Variants in VPS13B observed in about 807,000 individuals in gnomAD.
VPS13B encodes intermembrane lipid transfer protein VPS13B.
In VPS13B, 285 loss-of-function variants were observed where a neutral mutation model predicts 426.4. That is an observed-to-expected ratio of 0.67 (90% CI 0.61 to 0.74). VPS13B has a LOEUF of 0.74. VPS13B is among the 30% of genes least tolerant of loss of function. The pLI is 0.00. For missense variants in VPS13B, 4,537 were observed against 4,782.6 expected, an observed-to-expected ratio of 0.95 and a Z score of 1.51; for synonymous variants, 1,676 against 1,676.4, an observed-to-expected ratio of 1.00 and a Z score of 0.01.
At position 99,776,924 on chromosome 8, in the gene VPS13B, A is replaced by G. The variant is rs1811768091; in HGVS notation, c.7397A>G (p.His2466Arg). 17 of 1,613,926 alleles carry G rather than the reference A, an allele frequency of 1.1e-5. 1 individual carries two copies. In the East Asian group the frequency reaches 3.8e-4, roughly 36 times the overall value. ...VSFQFAHLEF[H>R]LCHHLDQLGT... ...TTCCAGTTTGCTCACCTGGAATTCC[A>G]TCTTTGTCATCACCTTGACCAACTA... The change falls in exon 41 of 62, where the codon CAT becomes CGT. Residue 2466 changes from histidine to arginine, a missense_variant. By Grantham distance (29) the His-to-Arg change is conservative (BLOSUM62 0). This residue lies in a region of VPS13B where 4,311 missense variants were observed against 4,474.3 expected (regional missense o/e 0.96). Transcript: ENST00000357162.
chr8:99,734,109 G>A (rs1833714717), intron 39 of VPS13B, among the ~76,000 whole-genome samples: 1 of 152,080 alleles, frequency 6.6e-6, no homozygotes, highest in Non-Finnish European at 1.5e-5. Flanking sequence ...CACATAAGTG[G>A]AATCATATAA....
At chr8:99,390,054 A>G (rs1216933864) in intron 20 of VPS13B, among the ~76,000 whole-genome samples, 2 of 151,840 alleles carry the variant, frequency 1.3e-5, no homozygotes, top group Admixed American at 6.6e-5. Flanking sequence ...CAGGCACTCT[A>G]TGTTATGATG....
intron 33 of VPS13B, among the ~76,000 whole-genome samples, chr8:99,582,766 C>G (rs1455495522): frequency 3.9e-5 from 6 of 152,176 alleles, no homozygotes; most frequent in African/African-American, 1.2e-4. Context: ...CGCCATTCTC[C>G]TGCCTCAGCC....
chr8:99,795,013 C>G (rs1812736206), intron 43 of VPS13B, among the ~76,000 whole-genome samples: 1 of 152,136 alleles, frequency 6.6e-6, no homozygotes, highest in Non-Finnish European at 1.5e-5. Flanking sequence ...TTGATCTTTG[C>G]TGGGAAGCCA....
At chr8:99,513,400 AGG>A (rs1435796927) in intron 29 of VPS13B, among the ~76,000 whole-genome samples, 1 of 152,066 alleles carries the variant, frequency 6.6e-6, no homozygotes, top group Non-Finnish European at 1.5e-5. Flanking sequence ...TAGAGGTGAG[AGG>A]GTGGGATGAG....
intron 36 of VPS13B, among the ~76,000 whole-genome samples, chr8:99,701,263 T>C (rs1832269642): frequency 6.6e-6 from 1 of 152,194 alleles, no homozygotes; most frequent in African/African-American, 2.4e-5. Context: ...GTATCTGATT[T>C]ATCCACAAAT....
chr8:99,766,314 C>T (rs1015724945), intron 39 of VPS13B, among the ~76,000 whole-genome samples: 1 of 152,046 alleles, frequency 6.6e-6, no homozygotes, highest in African/African-American at 2.4e-5. Context: ...AAACTCCTGA[C>T]CTCAGGTGAT....
intron 39 of VPS13B, among the ~76,000 whole-genome samples, chr8:99,738,686 G>A (rs1277068244): frequency 6.6e-6 from 1 of 152,134 alleles, no homozygotes; most frequent in Non-Finnish European, 1.5e-5. Flanking sequence ...TATATACCGT[G>A]TTGAAAATCT....
chr8:99,609,162 C>G (rs1267530002), intron 33 of VPS13B, among the ~76,000 whole-genome samples: 1 of 152,086 alleles, frequency 6.6e-6, no homozygotes, highest in Non-Finnish European at 1.5e-5. Context: ...ATTGGTTTCT[C>G]TTGACTTAGA....
intron 35 of VPS13B, among the ~76,000 whole-genome samples, chr8:99,685,207 T>C (rs1201308986): frequency 1.3e-5 from 2 of 152,280 alleles, no homozygotes; most frequent in Non-Finnish European, 2.9e-5. Flanking sequence ...TAATTGCTTT[T>C]GAAACTGGAA....
chr8:99,345,831 C>T (rs546759762), intron 19 of VPS13B, among the ~76,000 whole-genome samples: 7 of 152,252 alleles, frequency 4.6e-5, no homozygotes, highest in African/African-American at 1.7e-4. Flanking sequence ...AGGCAAGGGG[C>T]TGAAAATTAA....
intron 61 of VPS13B, among the ~76,000 whole-genome samples, chr8:99,872,211 A>G (rs1452445254): frequency 1.3e-5 from 2 of 152,168 alleles, no homozygotes. Context: ...GAAAGGACCA[A>G]TGCAGAAGCA....
intron 19 of VPS13B, among the ~76,000 whole-genome samples, chr8:99,353,406 T>C (rs762935542): frequency 2.0e-5 from 3 of 152,204 alleles, no homozygotes; most frequent in Admixed American, 6.5e-5. Flanking sequence ...GTGAAACATT[T>C]AACCATGTAG....
At chr8:99,390,247 G>C (rs941677216) in intron 20 of VPS13B, among the ~76,000 whole-genome samples, 1 of 151,726 alleles carries the variant, frequency 6.6e-6, no homozygotes, top group Non-Finnish European at 1.5e-5. Context: ...ACAGGCACCC[G>C]CCACCATGCC....
At chr8:99,262,166 G>A (rs1818074641) in intron 17 of VPS13B, among the ~76,000 whole-genome samples, 1 of 152,104 alleles carries the variant, frequency 6.6e-6, no homozygotes, top group South Asian at 2.1e-4. Flanking sequence ...GTTCAGTTCT[G>A]TCATTTAATG....
At chr8:99,868,038 T>C (rs78444699) in intron 58 of VPS13B, 3 of 456,748 alleles carry the variant, frequency 6.6e-6, no homozygotes, top group Non-Finnish European at 1.2e-5. Flanking sequence ...GTTTGTTAAA[T>C]TCTGAACTAA....
At chr8:99,162,031 G>A (rs192376403) in intron 15 of VPS13B, among the ~76,000 whole-genome samples, 1 of 152,192 alleles carries the variant, frequency 6.6e-6, no homozygotes, top group Non-Finnish European at 1.5e-5. Context: ...ACTGCGTCCG[G>A]CCAAGAATAC....
intron 35 of VPS13B, among the ~76,000 whole-genome samples, chr8:99,686,993 G>A (rs954288310): frequency 1.3e-5 from 2 of 152,008 alleles, no homozygotes; most frequent in African/African-American, 4.8e-5. Flanking sequence ...ATATCTTTGA[G>A]TGTCTCACCC....
At chr8:99,859,579 T>A in intron 57 of VPS13B, 99 bp downstream of exon 57, 1 of 1,490,378 alleles carries the variant, frequency 6.7e-7, no homozygotes, top group Non-Finnish European at 9.1e-7. Context: ...AGATTGCCTC[T>A]AGCTTTGTTT....
Sources: allele counts gnomAD v4.1 joint callset (sites outside exome capture counted in the v4.1 genomes callset), GRCh38; gene constraint gnomAD v4.1.1; regional missense constraint gnomAD v4.1.1; transcripts MANE v1.5; gene names NCBI Gene and HGNC (gene_info 2026-07-23, HGNC 2026-07-21).